NCKAP1: variants seen among roughly 807,000 people sequenced by gnomAD.
The protein encoded by NCKAP1 is NCK associated protein 1.
Under a neutral mutation model 151.2 loss-of-function variants are expected in NCKAP1, and 21 were observed. The observed-to-expected ratio is 0.14, with a 90% CI of 0.10 to 0.20. NCKAP1 has a LOEUF of 0.20. NCKAP1 is among the 10% of genes least tolerant of loss of function. The pLI, the probability that NCKAP1 is intolerant of heterozygous loss-of-function variation, is 1.00. For missense variants in NCKAP1, 933 were observed against 1,352.1 expected (o/e 0.69, Z 4.86); for synonymous variants, 484 against 451.8 (o/e 1.07, Z -0.90).
intron 21 of NCKAP1, 84 bp from the exon 22 acceptor site, chr2:182,953,007 A>C: frequency 6.7e-7 from 1 of 1,490,738 alleles, no homozygotes; most frequent in Non-Finnish European, 9.0e-7. Context: ...TATAATTTTA[A>C]GTTGACTGAT....
In NCKAP1 at chr2:182,982,943, T is replaced by C. The variant is rs149127549; in HGVS notation, c.1102-16A>G. 1.3e-4 allele frequency: 195 copies of C among 1,552,612 alleles called. 1 individual carries two copies. In the East Asian group the frequency reaches 4.4e-3, roughly 35 times the overall value. On this transcript the variant is annotated splice_polypyrimidine_tract_variant and intron_variant, in intron 11 of 30. Transcript: ENST00000361354. ...CAAAAAGTGCCTGTTTAAAAAAAAGTAAGTGTTTATTCTTATTCAAAGATT... is the reference window on the plus strand; with the variant it reads ...CAAAAAGTGCCTGTTTAAAAAAAAGCAAGTGTTTATTCTTATTCAAAGATT...
At chr2:182,981,002 G>A (rs1697926067) in intron 13 of NCKAP1, among the ~76,000 whole-genome samples, 1 of 152,078 alleles carries the variant, frequency 6.6e-6, no homozygotes, top group Non-Finnish European at 1.5e-5. Flanking sequence ...CCATCTTCAG[G>A]ATAAATAATT....
At chr2:183,004,151 T>C (rs1015165733) in intron 2 of NCKAP1, among the ~76,000 whole-genome samples, 2 of 152,120 alleles carry the variant, frequency 1.3e-5, no homozygotes, top group South Asian at 4.1e-4. Context: ...AAAAGCAGAA[T>C]CTCAGGCCTA....
intron 2 of NCKAP1, among the ~76,000 whole-genome samples, chr2:183,004,488 CAA>C (rs34055584): frequency 8.1e-4 from 64 of 78,784 alleles, no homozygotes; most frequent in Non-Finnish European, 9.9e-4. Flanking sequence ...AAACAGCAAG[CAA>C]AAAAAAAAAA....
At position 182,924,802 on chromosome 2, in the gene NCKAP1, A is replaced by G. The variant is rs1696609218; in HGVS notation, c.*900T>C. On this transcript the variant is annotated 3_prime_UTR_variant, in exon 31 of 31. Transcript: ENST00000361354. ...TGTACTTAGACATTCCTAAACCATT[A>G]TTTTTTATATTTCAAACTAAGTTTA... The G allele has an allele frequency of 6.6e-6, 1 of 152,076 alleles. No individual in the cohort carries two copies. Among genetic ancestry groups the G allele is most frequent in the South Asian group, 2.1e-4 (1 of 4,822 alleles). 9.4% of individuals were successfully genotyped at this position (152,076 alleles called of 1,614,324 possible).
In NCKAP1 at chr2:183,001,476, AAG is replaced by A. The variant is rs1575058191; in HGVS notation, c.603+475_603+476del. 3.3e-5 allele frequency among the ~76,000 whole-genome samples: 5 copies of A among 152,228 alleles called. No homozygotes were observed. In the South Asian group the frequency reaches 6.2e-4, roughly 19 times the overall value. The stretch of plus-strand genomic sequence containing the variant: ...CCCGTCATTTTTTGAGACTATAATA[AAG>A]TTAAAATTTATCAAACACTGTACTT... On this transcript the variant is annotated intron_variant, in intron 6 of 30. Coordinates refer to ENST00000361354, the MANE Select transcript of NCKAP1 (RefSeq NM_013436.5).
At position 182,967,208 on chromosome 2, in the gene NCKAP1, C is replaced by T. The variant is rs1697589665; in HGVS notation, c.1628+8G>A. On this transcript the variant is annotated splice_region_variant and intron_variant, in intron 16 of 30. Coordinates refer to ENST00000361354, the MANE Select transcript of NCKAP1 (RefSeq NM_013436.5). ...TCAAATCCAGATTTAGAGAAAATTA[C>T]AACATACCAAAATATGGAGAGATCT... 3.1e-6 allele frequency: 5 copies of T among 1,591,814 alleles called. No individual in the cohort carries two copies. Among genetic ancestry groups the T allele is most frequent in the Non-Finnish European group, 4.3e-6 (5 of 1,173,642 alleles).
chr2:182,964,962 C>A (rs1193398526), intron 16 of NCKAP1, among the ~76,000 whole-genome samples, 154 bp from the exon 17 acceptor site: 1 of 152,068 alleles, frequency 6.6e-6, no homozygotes, highest in African/African-American at 2.4e-5. Context: ...CTTTTACACA[C>A]CAATAATTAT....
At chr2:183,015,345 A>C (rs1352705542) in intron 2 of NCKAP1, among the ~76,000 whole-genome samples, 8 of 152,172 alleles carry the variant, frequency 5.3e-5, no homozygotes, top group Non-Finnish European at 8.8e-5. Context: ...CAAACTCATG[A>C]AAATTCAGTG....
intron 15 of NCKAP1, among the ~76,000 whole-genome samples, chr2:182,972,861 C>T (rs868193853): frequency 2.0e-5 from 3 of 151,794 alleles, no homozygotes; most frequent in Non-Finnish European, 4.4e-5. Flanking sequence ...ATCTCATGGA[C>T]GCAGAGAATA....
intron 3 of NCKAP1, 24 bp downstream of exon 3, chr2:183,003,209 A>C (rs1278462761): frequency 1.5e-6 from 2 of 1,354,638 alleles, no homozygotes; most frequent in East Asian, 2.5e-5. Flanking sequence ...TGAAGTGTTA[A>C]ATATTATATA....
At chr2:182,967,399 C>A in intron 15 of NCKAP1, 38 bp from the exon 16 acceptor site, 1 of 1,542,504 alleles carries the variant, frequency 6.5e-7, no homozygotes, top group Non-Finnish European at 8.8e-7. Context: ...TTCAGGTAAA[C>A]ATAAATGACT....
intron 16 of NCKAP1, 22 bp from the exon 17 acceptor site, chr2:182,964,830 T>C: frequency 6.4e-7 from 1 of 1,562,424 alleles, no homozygotes; most frequent in Admixed American, 1.9e-5. Context: ...AAAATCAGAA[T>C]CACAATTTTT....
Position 183,038,114 on chromosome 2 carries a change from C to G in NCKAP1, c.-15G>C, listed in dbSNP as rs1024116654. On this transcript the variant is annotated 5_prime_UTR_variant, in exon 1 of 31. Coordinates refer to ENST00000361354, the MANE Select transcript of NCKAP1 (RefSeq NM_013436.5). ...GAGCGCGACATGGTGGTGCTGGTGC[C>G]GCCGCCGCCGCCGGCCGCCTCGCGC... 2.0e-6 allele frequency: 3 copies of G among 1,477,348 alleles called. No individual in the cohort carries two copies. The highest frequency in any genetic ancestry group is 1.5e-5 in the African/African-American group (1 of 68,850). The allele number at this position is 1,477,348 out of a possible 1,614,324, so 91.5% of individuals were successfully genotyped here.
At chr2:182,939,513 G>T (rs1028143299) in intron 24 of NCKAP1, among the ~76,000 whole-genome samples, 11 of 152,082 alleles carry the variant, frequency 7.2e-5, no homozygotes, top group African/African-American at 2.2e-4. Flanking sequence ...GGGCACCAGA[G>T]CAAGGCTCCG....
Position 183,023,855 on chromosome 2 carries a change from A to G in NCKAP1, c.170T>C (p.Val57Ala). The change falls in exon 2 of 31, where the codon GTG (valine) becomes GCG (alanine). Residue 57 changes from valine to alanine, a missense_variant. Val to Ala is a moderately conservative substitution (Grantham distance 64, BLOSUM62 0). This residue lies in a region of NCKAP1 where 607 missense variants were observed against 795.0 expected (regional missense o/e 0.76). Transcript: ENST00000361354. ...AGGGAATTTTCTGACTATGAATTTC[A>G]CAGCAGATTCCAGGTTTTTGTCGAT... Reference protein sequence around the residue: ...YLIDKNLESAVKFIVRKFPAV... With the variant: ...YLIDKNLESAAKFIVRKFPAV... 1 of 1,613,624 alleles carries G rather than the reference A, an allele frequency of 6.2e-7. No homozygotes were observed. Among genetic ancestry groups the G allele is most frequent in the Non-Finnish European group, 8.5e-7 (1 of 1,179,614 alleles).
chr2:183,008,146 G>C (rs961392733), intron 2 of NCKAP1, among the ~76,000 whole-genome samples: 1 of 151,886 alleles, frequency 6.6e-6, no homozygotes, highest in Admixed American at 6.6e-5. Context: ...GGCTGGCCTC[G>C]AACTCCCAAC....
At chr2:182,931,310 T>C (rs895089739) in intron 26 of NCKAP1, among the ~76,000 whole-genome samples, 6 of 152,078 alleles carry the variant, frequency 3.9e-5, no homozygotes, top group African/African-American at 1.4e-4. Context: ...GTATCACATA[T>C]AGATTTCAAA....
intron 6 of NCKAP1, among the ~76,000 whole-genome samples, chr2:182,998,372 C>A (rs545716423): frequency 6.6e-6 from 1 of 151,998 alleles, no homozygotes; most frequent in Non-Finnish European, 1.5e-5. Flanking sequence ...AAATAAAAGG[C>A]ATCCAAATTG....
Sources: gnomAD v4.1 joint callset for allele counts (sites outside exome capture counted in the v4.1 genomes callset) on GRCh38, gnomAD v4.1.1 for gene constraint, gnomAD v4.1.1 regional missense constraint, MANE v1.5 for transcripts, NCBI Gene and HGNC (gene_info 2026-07-23, HGNC 2026-07-21) for gene names.